ASTN2: variants seen among roughly 807,000 people sequenced by gnomAD.
ASTN2 encodes astrotactin-2.
In ASTN2, 54 loss-of-function variants were observed where a neutral mutation model predicts 139.8. The ratio of observed to expected loss-of-function variants is 0.39; its 90% CI spans 0.31 to 0.48. ASTN2 has a LOEUF of 0.48. Among genes scored for constraint, ASTN2 ranks in the 20% least tolerant of loss-of-function variants. The probability of loss-of-function intolerance (pLI) is 0.95; values close to 1 mark genes in which losing one functional copy is unlikely to be tolerated. For missense variants in ASTN2, 1,565 were observed against 1,725.1 expected, an observed-to-expected ratio of 0.91 and a Z score of 1.64; for synonymous variants, 756 against 719.5, an observed-to-expected ratio of 1.05 and a Z score of -0.81.
chr9:116,633,388 T>C (rs1856904273), intron 17 of ASTN2, among the ~76,000 whole-genome samples: 1 of 152,188 alleles, frequency 6.6e-6, no homozygotes, highest in African/African-American at 2.4e-5. Flanking sequence ...TGCCCAGTCC[T>C]GGAAGGGGAA....
chr9:117,119,531 C>A (rs1829487599), intron 4 of ASTN2, among the ~76,000 whole-genome samples: 1 of 152,178 alleles, frequency 6.6e-6, no homozygotes, highest in Admixed American at 6.5e-5. Context: ...TCACAGCTTT[C>A]ACTCCACAGC....
intron 4 of ASTN2, among the ~76,000 whole-genome samples, chr9:117,123,974 C>T (rs745777475): frequency 2.6e-5 from 4 of 152,156 alleles, no homozygotes; most frequent in East Asian, 1.9e-4. Context: ...ATGCCTGGCA[C>T]GTAGCGTACA....
At chr9:116,932,928 A>G in intron 10 of ASTN2, among the ~76,000 whole-genome samples, 1 of 148,930 alleles carries the variant, frequency 6.7e-6, no homozygotes, top group Non-Finnish European at 1.5e-5. Context: ...ATCACTTGAA[A>G]CCAGGAGGTG....
At chr9:116,739,848 C>T (rs1288621132) in intron 13 of ASTN2, among the ~76,000 whole-genome samples, 1 of 152,180 alleles carries the variant, frequency 6.6e-6, no homozygotes, top group East Asian at 1.9e-4. Flanking sequence ...AGGAAGAAAA[C>T]CCAGAGACAA....
chr9:116,705,953 A>C (rs1182286613), intron 16 of ASTN2, among the ~76,000 whole-genome samples: 1 of 152,144 alleles, frequency 6.6e-6, no homozygotes, highest in African/African-American at 2.4e-5. Flanking sequence ...TCAAAGGTCT[A>C]AAGTGGTTAA....
chr9:117,394,298 A>G (rs1401511526), intron 1 of ASTN2, among the ~76,000 whole-genome samples: 1 of 152,208 alleles, frequency 6.6e-6, no homozygotes, highest in African/African-American at 2.4e-5. Flanking sequence ...ATGTTATTCA[A>G]TGTAGTAGCC....
chr9:117,037,733 T>C (rs763990050), intron 6 of ASTN2, among the ~76,000 whole-genome samples: 14 of 152,194 alleles, frequency 9.2e-5, no homozygotes, highest in Non-Finnish European at 1.8e-4. Flanking sequence ...GGTGGGGACA[T>C]GCATTCTGTA....
chr9:117,409,122 T>C (rs1831089986), intron 1 of ASTN2, among the ~76,000 whole-genome samples: 1 of 152,222 alleles, frequency 6.6e-6, no homozygotes, highest in South Asian at 2.1e-4. Flanking sequence ...TACATTGTTT[T>C]AATCCTATCT....
chr9:117,363,896 G>C (rs1829761015), intron 1 of ASTN2, among the ~76,000 whole-genome samples: 1 of 152,146 alleles, frequency 6.6e-6, no homozygotes, highest in African/African-American at 2.4e-5. Flanking sequence ...GGATTGTGTA[G>C]TGCATAGGAA....
intron 10 of ASTN2, among the ~76,000 whole-genome samples, chr9:116,937,129 C>T (rs1835103890): frequency 6.6e-6 from 1 of 152,178 alleles, no homozygotes; most frequent in African/African-American, 2.4e-5. Flanking sequence ...TCATACTGAG[C>T]TAGAATAATG....
rs371374987 is a variant in ASTN2 at position 117,225,574 on chromosome 9, T to TATATATATATATAC, written c.631-10833_631-10832insGTATATATATATAT. On this transcript the variant is annotated intron_variant, in intron 2 of 22. Transcript: ENST00000313400. The stretch of plus-strand genomic sequence containing the variant: ...ATATATATATATATATATATATATA[T>TATATATATATATAC]ACAGATGAACCCAAGTGGCCAGAGA... 2.3e-3 allele frequency among the ~76,000 whole-genome samples: 182 copies of TATATATATATATAC among 77,878 alleles called. 5 individuals carry two copies. The highest frequency in any genetic ancestry group is 6.0e-3 in the East Asian group (5 of 836). The allele number at this position is 77,878 out of a possible 152,430, so 51.1% of individuals were successfully genotyped here.
At chr9:116,577,401 T>A (rs1853764879) in intron 19 of ASTN2, among the ~76,000 whole-genome samples, 1 of 151,372 alleles carries the variant, frequency 6.6e-6, no homozygotes, top group African/African-American at 2.5e-5. Flanking sequence ...GTGTGGTGGC[T>A]TGTGCCTGTT....
intron 10 of ASTN2, among the ~76,000 whole-genome samples, chr9:116,879,094 A>T (rs1164322272): frequency 1.3e-5 from 2 of 152,078 alleles, no homozygotes; most frequent in Non-Finnish European, 2.9e-5. Context: ...AAGGAAGAGC[A>T]CTGGCCTGGA....
At chr9:116,641,155 A>G (rs879423025) in intron 17 of ASTN2, among the ~76,000 whole-genome samples, 8 of 152,252 alleles carry the variant, frequency 5.3e-5, no homozygotes, top group Non-Finnish European at 1.0e-4. Context: ...AGCCAATCCT[A>G]GAATGAATCG....
intron 20 of ASTN2, among the ~76,000 whole-genome samples, chr9:116,474,239 A>T (rs1481609050): frequency 2.0e-5 from 3 of 152,232 alleles, no homozygotes; most frequent in Non-Finnish European, 4.4e-5. Context: ...GCTATAACGG[A>T]GGTGAAGAGT....
At chr9:116,992,773 G>A (rs928633238) in intron 7 of ASTN2, among the ~76,000 whole-genome samples, 1 of 152,170 alleles carries the variant, frequency 6.6e-6, no homozygotes, top group African/African-American at 2.4e-5. Flanking sequence ...CATGAAATCA[G>A]TTCACCAGAA....
intron 2 of ASTN2, among the ~76,000 whole-genome samples, chr9:117,268,652 T>C (rs1833990670): frequency 6.6e-6 from 1 of 152,188 alleles, no homozygotes; most frequent in Admixed American, 6.5e-5. Flanking sequence ...GCATATAAGA[T>C]GTTCCAGAAG....
chr9:117,255,274 T>C (rs1451439760), intron 2 of ASTN2, among the ~76,000 whole-genome samples: 2 of 152,246 alleles, frequency 1.3e-5, no homozygotes, highest in African/African-American at 2.4e-5. Context: ...GCCTACTGTA[T>C]GTCAGGTCTT....
At chr9:116,902,401 T>C (rs1186360307) in intron 10 of ASTN2, among the ~76,000 whole-genome samples, 1 of 152,218 alleles carries the variant, frequency 6.6e-6, no homozygotes, top group Non-Finnish European at 1.5e-5. Context: ...CAAGATGTGT[T>C]ACATAAAAGT....
Sources: gnomAD v4.1 joint callset for allele counts (sites outside exome capture counted in the v4.1 genomes callset) on GRCh38, gnomAD v4.1.1 for gene constraint, MANE v1.5 for transcripts, NCBI Gene and HGNC (gene_info 2026-07-23, HGNC 2026-07-21) for gene names.